ATG4C: variants seen among roughly 807,000 people sequenced by gnomAD.
ATG4C encodes the protein cysteine protease ATG4C.
A neutral mutation model predicts 57.6 loss-of-function variants in ATG4C; 56 were observed. The ratio of observed to expected loss-of-function variants is 0.97; its 90% confidence interval spans 0.78 to 1.21. The LOEUF is 1.21. Ranked by LOEUF, ATG4C falls within the 50% of genes most tolerant of loss-of-function variation. ATG4C has a pLI of 0.00. For missense variants in ATG4C, 595 were observed against 529.8 expected, an observed-to-expected ratio of 1.12 and a Z score of -1.21; for synonymous variants, 157 against 174.1, an observed-to-expected ratio of 0.90 and a Z score of 0.78.
intron 9 of ATG4C, among the ~76,000 whole-genome samples, chr1:62,836,186 G>T (rs1572150960): frequency 6.6e-6 from 1 of 152,062 alleles, no homozygotes; most frequent in East Asian, 1.9e-4. Context: ...TCATTATTGG[G>T]AGACTGTTGC....
At chr1:62,858,284 A>G (rs1666745558) in intron 10 of ATG4C, among the ~76,000 whole-genome samples, 1 of 152,214 alleles carries the variant, frequency 6.6e-6, no homozygotes, top group Non-Finnish European at 1.5e-5. Context: ...ATTTAAGTTG[A>G]TGTTGCAGTC....
intron 5 of ATG4C, among the ~76,000 whole-genome samples, chr1:62,820,539 C>T (rs374491312): frequency 3.3e-5 from 5 of 151,950 alleles, no homozygotes; most frequent in Non-Finnish European, 5.9e-5. Context: ...GCATAATCAC[C>T]GTTTATAGAT....
chr1:62,864,224 G>T lies in ATG4C; in HGVS notation c.*65G>T. On this transcript the variant is annotated 3_prime_UTR_variant, in exon 11 of 11. Coordinates refer to ENST00000317868, the MANE Select transcript of ATG4C (RefSeq NM_032852.4). ...AAAGGGGAAAAATGAAGAGAAACAAGTATATCTGAAATGTTTATTTTCACA... is the reference window on the plus strand; with the variant it reads ...AAAGGGGAAAAATGAAGAGAAACAATTATATCTGAAATGTTTATTTTCACA... 1 of 1,303,580 alleles carries T rather than the reference G, an allele frequency of 7.7e-7. No homozygotes were observed. Among genetic ancestry groups the T allele is most frequent in the Non-Finnish European group, 1.1e-6 (1 of 948,910 alleles). 80.8% of individuals were successfully genotyped at this position (1,303,580 alleles called of 1,614,324 possible). A position where few individuals can be genotyped will look rare whatever the true frequency, so the allele number is the denominator to read the frequency against.
At chr1:62,792,723 C>T (rs1664320237) in intron 1 of ATG4C, among the ~76,000 whole-genome samples, 1 of 152,114 alleles carries the variant, frequency 6.6e-6, no homozygotes, top group Non-Finnish European at 1.5e-5. Context: ...TTAGTACTGA[C>T]CTCCCTTTTC....
chr1:62,853,427 A>G (rs887995237), intron 10 of ATG4C, among the ~76,000 whole-genome samples: 1 of 152,234 alleles, frequency 6.6e-6, no homozygotes, highest in Non-Finnish European at 1.5e-5. Context: ...AGGAGCACTA[A>G]CGTGTTAGCT....
At chr1:62,850,266 A>C (rs1393818096) in intron 10 of ATG4C, among the ~76,000 whole-genome samples, 2 of 152,064 alleles carry the variant, frequency 1.3e-5, no homozygotes, top group East Asian at 3.9e-4. Flanking sequence ...AGAATTTGAT[A>C]ATTTCTCACC....
At chr1:62,834,933 C>T in intron 9 of ATG4C, 81 bp downstream of exon 9, 2 of 1,154,522 alleles carry the variant, frequency 1.7e-6, no homozygotes, top group Non-Finnish European at 2.5e-6. Context: ...GGTAGCTATG[C>T]TTTTACGGTA....
At chr1:62,842,370 C>T (rs971799644) in intron 10 of ATG4C, among the ~76,000 whole-genome samples, 14 of 149,454 alleles carry the variant, frequency 9.4e-5, no homozygotes, top group South Asian at 2.1e-4. Flanking sequence ...GGCGCGATCT[C>T]GGCTCACTGC....
chr1:62,793,227 C>T (rs1664343808), intron 1 of ATG4C, among the ~76,000 whole-genome samples: 1 of 151,880 alleles, frequency 6.6e-6, no homozygotes, highest in African/African-American at 2.4e-5. Context: ...TTTTCTTTCA[C>T]TACTCCTCTC....
At chr1:62,851,797 G>GA (rs1279733687) in intron 10 of ATG4C, among the ~76,000 whole-genome samples, 1 of 152,048 alleles carries the variant, frequency 6.6e-6, no homozygotes, top group Non-Finnish European at 1.5e-5. Flanking sequence ...ACAAAGCTTA[G>GA]AAAAAAAGGA....
At chr1:62,862,773 T>G (rs535002455) in intron 10 of ATG4C, among the ~76,000 whole-genome samples, 145 of 152,190 alleles carry the variant, frequency 9.5e-4, no homozygotes, top group African/African-American at 2.9e-3. Context: ...TATCATATGC[T>G]AGGCCTACCT....
intron 10 of ATG4C, among the ~76,000 whole-genome samples, chr1:62,858,907 G>T (rs1281727128): frequency 1.3e-5 from 2 of 152,090 alleles, no homozygotes; most frequent in Non-Finnish European, 2.9e-5. Context: ...ACAAAAAACA[G>T]GAATATATTT....
chr1:62,830,529 T>C (rs967467265), intron 7 of ATG4C, among the ~76,000 whole-genome samples: 4 of 152,134 alleles, frequency 2.6e-5, no homozygotes, highest in African/African-American at 9.7e-5. Context: ...CTTTGCTATT[T>C]GGTGGTATTG....
intron 6 of ATG4C, among the ~76,000 whole-genome samples, chr1:62,821,900 A>G (rs1015493303): frequency 2.6e-5 from 4 of 152,132 alleles, no homozygotes; most frequent in Non-Finnish European, 5.9e-5. Flanking sequence ...GCATGAGACC[A>G]AGTTTTGACC....
chr1:62,788,807 T>G (rs1303829577), intron 1 of ATG4C, among the ~76,000 whole-genome samples: 1 of 152,150 alleles, frequency 6.6e-6, no homozygotes, highest in Non-Finnish European at 1.5e-5. Flanking sequence ...CTCACAAAAT[T>G]GATTTATCTG....
At chr1:62,792,991 A>G (rs1178928512) in intron 1 of ATG4C, among the ~76,000 whole-genome samples, 2 of 150,704 alleles carry the variant, frequency 1.3e-5, no homozygotes, top group Non-Finnish European at 2.9e-5. Flanking sequence ...GGTTCACGCC[A>G]TTCTCCTGCC....
rs1300434049 is a variant in ATG4C, at chr1:62,816,742, G to A, written c.328G>A (p.Gly110Ser). The part of the protein sequence containing the change: ...GSALTTDCGW[G>S]CTLRTGQMLL... ...AGCTTTGACAACAGACTGTGGGTGG[G>A]GCTGCACATTGAGAACTGGCCAGAT... The change falls in exon 4 of 11, where the codon GGC (glycine) becomes AGC (serine). Residue 110 changes from glycine (G) to serine (S), a missense_variant. By Grantham distance (56) the Gly-to-Ser change is moderately conservative. Transcript: ENST00000317868. 1.2e-6 allele frequency: 2 copies of A among 1,613,596 alleles called. No individual in the cohort carries two copies. Among genetic ancestry groups the A allele is most frequent in the African/African-American group, 1.3e-5 (1 of 74,910 alleles).
At chr1:62,858,943 C>T (rs577510134) in intron 10 of ATG4C, among the ~76,000 whole-genome samples, 28 of 152,082 alleles carry the variant, frequency 1.8e-4, no homozygotes, top group Admixed American at 6.6e-4. Context: ...TTTTTATATA[C>T]AGTCATACAT....
chr1:62,839,679 T>G (rs1220835705), intron 9 of ATG4C, among the ~76,000 whole-genome samples: 1 of 152,224 alleles, frequency 6.6e-6, no homozygotes, highest in Non-Finnish European at 1.5e-5. Context: ...TTTTAAATAT[T>G]TCTTTGCTAA....
Sources: gnomAD v4.1 joint callset for allele counts (sites outside exome capture counted in the v4.1 genomes callset) on GRCh38, gnomAD v4.1.1 for gene constraint, MANE v1.5 for transcripts, NCBI Gene and HGNC (gene_info 2026-07-23, HGNC 2026-07-21) for gene names.